Variants in RANBP2 observed in about 807,000 individuals in gnomAD.
RANBP2 encodes RAN binding protein 2.
A neutral mutation model predicts 303.6 loss-of-function variants in RANBP2; 57 were observed. That is an observed-to-expected ratio of 0.19 (90% CI 0.15 to 0.23). The LOEUF is 0.23. RANBP2 is among the 10% of genes least tolerant of loss of function. The pLI, the probability that RANBP2 is intolerant of heterozygous loss-of-function variation, is 1.00. For synonymous variants in RANBP2, 1,167 were observed against 1,301.5 expected (o/e 0.90, Z 2.23); for missense variants, 3,138 against 3,780.8 (o/e 0.83, Z 4.46).
At chr2:109,564,535 C>T in the RANBP2 span, 2 of 1,493,702 alleles carry the variant, frequency 1.3e-6, no homozygotes, top group Non-Finnish European at 1.8e-6. Flanking sequence ...TCATTTTCCA[C>T]TAGCCAAAAA....
the RANBP2 span, among the ~76,000 whole-genome samples, chr2:108,920,544 A>T: frequency 2.6e-5 from 4 of 152,126 alleles, no homozygotes; most frequent in Non-Finnish European, 4.4e-5. Flanking sequence ...ACCGGGCTAC[A>T]GGGCTCCACA....
At chr2:109,211,046 T>C in the RANBP2 span, among the ~76,000 whole-genome samples, 1 of 152,158 alleles carries the variant, frequency 6.6e-6, no homozygotes, top group African/African-American at 2.4e-5. Context: ...TTCAGTTGAG[T>C]CTGTTCTGCT....
the RANBP2 span, among the ~76,000 whole-genome samples, chr2:109,125,591 C>G: frequency 2.6e-5 from 4 of 152,214 alleles, no homozygotes; most frequent in East Asian, 1.9e-4. Context: ...GACCACCCCC[C>G]ACCTTAACTT....
the RANBP2 span, among the ~76,000 whole-genome samples, chr2:109,243,438 G>A: frequency 6.6e-6 from 1 of 152,340 alleles, no homozygotes; most frequent in Admixed American, 6.5e-5. Flanking sequence ...TGGCAAATGA[G>A]GAAGGGATTT....
Position 108,763,460 on chromosome 2 carries a change from C to G in RANBP2, c.2921C>G (p.Pro974Arg). 1.2e-6 allele frequency: 2 copies of G among 1,614,072 alleles called. No homozygotes were observed. The highest frequency in any genetic ancestry group is 8.5e-7 in the Non-Finnish European group (1 of 1,179,984). Reference protein sequence around the residue: ...YNVQQTSTNPPLPEPGYFTKP... With the variant: ...YNVQQTSTNPRLPEPGYFTKP... ...GTTCAACAGACAAGCACAAATCCAC[C>G]TTTGCCAGAACCAGGATATTTCACA... Residue 974 changes from proline to arginine, a missense_variant, in exon 20 of 29, where the codon CCT (proline) becomes CGT (arginine). Physicochemically the swap from Pro to Arg is moderately radical, Grantham distance 103 (BLOSUM62 -2). Transcript: ENST00000283195.
At chr2:108,983,391 C>G in the RANBP2 span, among the ~76,000 whole-genome samples, 1 of 152,028 alleles carries the variant, frequency 6.6e-6, no homozygotes, top group Non-Finnish European at 1.5e-5. Context: ...TGTTTATTAC[C>G]CAAGGACACA....
chr2:109,129,805 C>G, the RANBP2 span: 1 of 1,538,548 alleles, frequency 6.5e-7, no homozygotes. Context: ...CGTGTGCTCG[C>G]GCCACGAGCT....
chr2:109,165,263 T>C, the RANBP2 span, among the ~76,000 whole-genome samples: 1 of 152,210 alleles, frequency 6.6e-6, no homozygotes, highest in Non-Finnish European at 1.5e-5. Flanking sequence ...TTCAGAGTCA[T>C]TTTGCAGGAA....
the RANBP2 span, among the ~76,000 whole-genome samples, chr2:109,631,776 G>C: frequency 6.7e-6 from 1 of 149,778 alleles, no homozygotes; most frequent in Non-Finnish European, 1.5e-5. Context: ...GAAAAAGAAA[G>C]AAATCTCATT....
chr2:109,427,037 C>T, the RANBP2 span, among the ~76,000 whole-genome samples: 1 of 152,006 alleles, frequency 6.6e-6, no homozygotes, highest in Non-Finnish European at 1.5e-5. Context: ...GGCATGATCT[C>T]AGCTCACTGG....
chr2:108,899,598 G>A, the RANBP2 span, among the ~76,000 whole-genome samples: 2 of 152,210 alleles, frequency 1.3e-5, no homozygotes, highest in African/African-American at 2.4e-5. Context: ...CTAAATATAT[G>A]TAGAGGAAAT....
At chr2:108,786,460 C>G (rs1678733993), downstream of RANBP2, among the ~76,000 whole-genome samples, 1 of 152,118 alleles carries the variant, frequency 6.6e-6, no homozygotes, top group Admixed American at 6.5e-5. Flanking sequence ...AACGACCGGT[C>G]TATGTGGTGA....
chr2:109,565,940 A>T, the RANBP2 span: 1 of 1,236,246 alleles, frequency 8.1e-7, no homozygotes, highest in Non-Finnish European at 1.2e-6. Flanking sequence ...GAGAGAGAAG[A>T]GAATAATTAA....
the RANBP2 span, among the ~76,000 whole-genome samples, chr2:109,685,292 G>C: frequency 6.6e-6 from 1 of 152,212 alleles, no homozygotes; most frequent in Non-Finnish European, 1.5e-5. Flanking sequence ...ACGCTCATGA[G>C]TACATAGGTT....
chr2:108,944,196 C>T, the RANBP2 span, among the ~76,000 whole-genome samples: 13 of 152,266 alleles, frequency 8.5e-5, no homozygotes, highest in African/African-American at 3.1e-4. Context: ...TCACTGCAAC[C>T]TCTGCCTCCT....
the RANBP2 span, among the ~76,000 whole-genome samples, chr2:109,204,138 A>G: frequency 3.3e-5 from 5 of 152,214 alleles, no homozygotes; most frequent in Admixed American, 1.3e-4. Flanking sequence ...AATCCAGTGA[A>G]GGTCTGTCTC....
the RANBP2 span, among the ~76,000 whole-genome samples, chr2:108,961,608 C>T: frequency 2.0e-5 from 3 of 152,240 alleles, no homozygotes; most frequent in African/African-American, 7.2e-5. Context: ...TAAAAAAGCA[C>T]TCACTGGCAG....
the RANBP2 span, among the ~76,000 whole-genome samples, chr2:108,827,612 G>A: frequency 3.4e-4 from 52 of 150,848 alleles, no homozygotes; most frequent in Admixed American, 3.3e-4. Flanking sequence ...GTCAGGAGAC[G>A]GAGACTATCC....
the RANBP2 span, chr2:108,930,197 CACCGCAGTTTGA>C: frequency 6.2e-7 from 1 of 1,614,140 alleles, no homozygotes; most frequent in Non-Finnish European, 8.5e-7. Flanking sequence ...TACTCGTTCT[CACCGCAGTTTGA>C]GTATTCCGCT....
Sources: allele counts gnomAD v4.1 joint callset (sites outside exome capture counted in the v4.1 genomes callset), GRCh38; gene constraint gnomAD v4.1.1; transcripts MANE v1.5; gene names NCBI Gene and HGNC (gene_info 2026-07-23, HGNC 2026-07-21).